The following ITGA9 variants were observed in gnomAD, a reference collection of about 807,000 sequenced individuals.
ITGA9 encodes integrin subunit alpha 9.
In ITGA9, 56 loss-of-function variants were observed where a neutral mutation model predicts 127.8. The observed-to-expected ratio is 0.44, with a 90% CI of 0.35 to 0.55. ITGA9 has a LOEUF of 0.55. ITGA9 is among the 20% of genes least tolerant of loss of function. The pLI is 0.00. For missense variants in ITGA9, 1,196 were observed against 1,347.1 expected (o/e 0.89, Z 1.76); for synonymous variants, 508 against 514.5 (o/e 0.99, Z 0.17).
intron 18 of ITGA9, among the ~76,000 whole-genome samples, chr3:37,730,638 T>C (rs1473189404): frequency 6.6e-6 from 1 of 152,218 alleles, no homozygotes; most frequent in African/African-American, 2.4e-5. Flanking sequence ...TCAGATATGT[T>C]CTCTCAGTGC....
At chr3:37,619,236 C>T (rs1012627409) in intron 15 of ITGA9, among the ~76,000 whole-genome samples, 5 of 152,190 alleles carry the variant, frequency 3.3e-5, no homozygotes, top group Admixed American at 3.3e-4. Context: ...CTGCCTGGTC[C>T]ACATCATCCT....
chr3:37,532,769 G>C (rs1280198389), intron 13 of ITGA9, among the ~76,000 whole-genome samples: 2 of 152,154 alleles, frequency 1.3e-5, no homozygotes, highest in Admixed American at 1.3e-4. Flanking sequence ...TTACCAGCTG[G>C]GACTCCACTT....
At chr3:37,608,522 C>T (rs6772293) in intron 15 of ITGA9, among the ~76,000 whole-genome samples, 79,028 of 151,960 alleles carry the variant, frequency 0.52, 21,169 homozygotes, top group East Asian at 0.6. Context: ...AGACACTTCA[C>T]TGAAACTGTG....
intron 13 of ITGA9, among the ~76,000 whole-genome samples, chr3:37,531,691 T>G (rs1699153710): frequency 6.6e-6 from 1 of 152,216 alleles, no homozygotes; most frequent in South Asian, 2.1e-4. Flanking sequence ...TCTGTGAGGC[T>G]TTGGACACTC....
chr3:37,701,515 T>G (rs143517582), intron 18 of ITGA9, among the ~76,000 whole-genome samples: 190 of 152,330 alleles, frequency 1.2e-3, no homozygotes, highest in African/African-American at 4.3e-3. Flanking sequence ...TTCTTCTGCC[T>G]GCGTGGTGAG....
chr3:37,491,621 G>C (rs1194322213), intron 4 of ITGA9, among the ~76,000 whole-genome samples: 1 of 152,202 alleles, frequency 6.6e-6, no homozygotes, highest in African/African-American at 2.4e-5. Flanking sequence ...TGTGACCCAG[G>C]CTTGTTGGGG....
Position 37,542,540 on chromosome 3 carries a change from G to C in ITGA9, c.1644G>C (p.Leu548=), listed in dbSNP as rs1699284788. The change falls in exon 15 of 28, where the codon CTG becomes CTC. Residue 548 remains leucine, a synonymous_variant. Coordinates refer to ENST00000264741, the MANE Select transcript of ITGA9 (RefSeq NM_002207.3). ...TMGQVTEKLQ[L]TYMEETCRHY... The stretch of plus-strand genomic sequence containing the variant: ...GTCAGGTCACAGAGAAGCTGCAGCT[G>C]ACTTACATGGAGGAGACGTGTCGTC... 1 of 1,614,058 alleles carries C rather than the reference G, an allele frequency of 6.2e-7. No individual in the cohort carries two copies. Among genetic ancestry groups the C allele is most frequent in the Non-Finnish European group, 8.5e-7 (1 of 1,180,038 alleles).
chr3:37,708,883 G>C (rs914086438), intron 18 of ITGA9, among the ~76,000 whole-genome samples: 1 of 152,086 alleles, frequency 6.6e-6, no homozygotes, highest in Non-Finnish European at 1.5e-5. Flanking sequence ...GCATGATGGC[G>C]TTTAAGTTTT....
At chr3:37,488,295 G>A (rs1399400481) in intron 4 of ITGA9, among the ~76,000 whole-genome samples, 2 of 152,000 alleles carry the variant, frequency 1.3e-5, no homozygotes, top group Non-Finnish European at 2.9e-5. Context: ...GGTTCTCACT[G>A]AAATGTGACT....
At chr3:37,767,347 T>C (rs940325979) in intron 23 of ITGA9, among the ~76,000 whole-genome samples, 1 of 152,316 alleles carries the variant, frequency 6.6e-6, no homozygotes, top group African/African-American at 2.4e-5. Flanking sequence ...CCATACCACT[T>C]TTCACAGGGA....
At chr3:37,464,118 T>TGA (rs1380538339) in intron 1 of ITGA9, among the ~76,000 whole-genome samples, 1 of 64,806 alleles carries the variant, frequency 1.5e-5, no homozygotes, top group African/African-American at 1.1e-4. Context: ...AAGGTGTGAG[T>TGA]GTGTGTGTGT....
At chr3:37,460,496 C>T (rs1698304711) in intron 1 of ITGA9, among the ~76,000 whole-genome samples, 1 of 152,078 alleles carries the variant, frequency 6.6e-6, no homozygotes. Context: ...GATGGATACC[C>T]CATTTACCCT....
At chr3:37,551,190 C>G (rs1055132499) in intron 15 of ITGA9, among the ~76,000 whole-genome samples, 1 of 152,154 alleles carries the variant, frequency 6.6e-6, no homozygotes, top group Non-Finnish European at 1.5e-5. Flanking sequence ...GTAATTGTTT[C>G]CATTTAAAAC....
chr3:37,662,021 T>C (rs957149319), intron 17 of ITGA9, among the ~76,000 whole-genome samples: 3 of 152,176 alleles, frequency 2.0e-5, no homozygotes, highest in African/African-American at 4.8e-5. Context: ...AGAAACCAGA[T>C]TGTGGAACAC....
At chr3:37,766,813 G>A (rs1267528140) in intron 23 of ITGA9, among the ~76,000 whole-genome samples, 2 of 152,126 alleles carry the variant, frequency 1.3e-5, no homozygotes, top group Non-Finnish European at 2.9e-5. Context: ...TGCATGTCAA[G>A]TGCTCAGATA....
chr3:37,463,759 T>C (rs1549595), intron 1 of ITGA9, among the ~76,000 whole-genome samples: 49,393 of 152,068 alleles, frequency 0.32, 8,333 homozygotes, highest in Middle Eastern at 0.46. Flanking sequence ...AATATATTAC[T>C]GGTGGTGAAA....
chr3:37,793,426 ACACACACACACGTG>A lies in ITGA9; in HGVS notation c.2889+8357_2889+8370del, dbSNP rs1297727792. Among the ~76,000 whole-genome samples, 10 of 151,398 alleles carry A rather than the reference ACACACACACACGTG, an allele frequency of 6.6e-5. No homozygotes were observed. The East Asian group carries it at 7.8e-4, about 12-fold the overall frequency. ...CACACACACACACACACACACACAC[ACACACACACACGTG>A]CACACACATCACACCCCTGCAGCAC... On this transcript the variant is annotated intron_variant, in intron 26 of 27. Transcript: ENST00000264741.
intron 15 of ITGA9, among the ~76,000 whole-genome samples, chr3:37,578,891 T>C (rs1433710118): frequency 1.3e-5 from 2 of 151,988 alleles, no homozygotes; most frequent in Non-Finnish European, 2.9e-5. Context: ...TGTATAGTCA[T>C]GTGCCAGTCA....
intron 14 of ITGA9, among the ~76,000 whole-genome samples, chr3:37,539,903 C>T (rs1484292456): frequency 6.6e-6 from 1 of 152,104 alleles, no homozygotes; most frequent in Non-Finnish European, 1.5e-5. Context: ...GAGCTGGGGC[C>T]CTGCATTATG....
Sources: gnomAD v4.1 joint callset for allele counts (sites outside exome capture counted in the v4.1 genomes callset) on GRCh38, gnomAD v4.1.1 for gene constraint, MANE v1.5 for transcripts, NCBI Gene and HGNC (gene_info 2026-07-23, HGNC 2026-07-21) for gene names.